TENM4: variants seen among roughly 807,000 people sequenced by gnomAD.
The protein encoded by TENM4 is teneurin transmembrane protein 4.
A neutral mutation model predicts 243.3 loss-of-function variants in TENM4; 82 were observed. That is an observed-to-expected ratio of 0.34 (90% CI 0.28 to 0.40). TENM4 has a LOEUF of 0.40. Ranked by LOEUF, TENM4 falls within the 10% of genes least tolerant of loss-of-function variation. The pLI, the probability that TENM4 is intolerant of heterozygous loss-of-function variation, is 1.00. For synonymous variants in TENM4, 1,412 were observed against 1,456.3 expected, an observed-to-expected ratio of 0.97 and a Z score of 0.69; for missense variants, 3,138 against 3,673.3, an observed-to-expected ratio of 0.85 and a Z score of 3.77.
chr11:78,722,964 A>G, intron 23 of TENM4, 47 bp from the exon 24 acceptor site: 4 of 1,599,678 alleles, frequency 2.5e-6, no homozygotes, highest in Middle Eastern at 1.7e-4. Flanking sequence ...GGAAATGGGT[A>G]TCTTTTCCTG....
At position 79,069,968 on chromosome 11, in the gene TENM4, C is replaced by T; in HGVS notation, c.-24G>A. ...ATGGCCTCCGGCCCGCGCTCCTCCA[C>T]ATCCACAAACAGGGTCCTCGCCGCA... On this transcript the variant is annotated 5_prime_UTR_variant, in exon 5 of 34. The change creates a new upstream start codon in the 5' untranslated region. Coordinates refer to ENST00000278550, the MANE Select transcript of TENM4 (RefSeq NM_001098816.3). 6.5e-7 allele frequency: 1 copy of T among 1,541,192 alleles called. No homozygotes were observed. Among genetic ancestry groups the T allele is most frequent in the Non-Finnish European group, 8.7e-7 (1 of 1,144,974 alleles).
intron 19 of TENM4, among the ~76,000 whole-genome samples, chr11:78,744,144 C>T (rs2135920294): frequency 6.6e-6 from 1 of 152,354 alleles, no homozygotes; most frequent in Non-Finnish European, 1.5e-5. Context: ...TGAGAAGCCT[C>T]ACTTCAGAGC....
Position 78,890,033 on chromosome 11 carries a change from A to G in TENM4, c.849-13T>C, listed in dbSNP as rs1055427584. ...GAAGAGGAAGTGCCTGCAGATGGAG[A>G]GCAGCAAGAGGGTGTCAGGGGCTGC... On this transcript the variant is annotated splice_polypyrimidine_tract_variant and intron_variant, in intron 8 of 33. Coordinates refer to ENST00000278550, the MANE Select transcript of TENM4 (RefSeq NM_001098816.3). 9 of 1,523,416 alleles carry G rather than the reference A, an allele frequency of 5.9e-6. No homozygotes were observed. The African/African-American group carries it at 1.2e-4, about 21-fold the overall frequency. 94.4% of individuals were successfully genotyped at this position (1,523,416 alleles called of 1,614,324 possible). A position where few individuals can be genotyped will look rare whatever the true frequency, so the allele number is the denominator to read the frequency against.
At chr11:78,880,092 C>T (rs935454726) in intron 9 of TENM4, among the ~76,000 whole-genome samples, 1 of 152,160 alleles carries the variant, frequency 6.6e-6, no homozygotes, top group African/African-American at 2.4e-5. Context: ...TAGGAGACTC[C>T]ATTTTGTTCT....
At chr11:78,831,608 A>G (rs777840979) in intron 12 of TENM4, among the ~76,000 whole-genome samples, 22 of 152,234 alleles carry the variant, frequency 1.4e-4, no homozygotes, top group Non-Finnish European at 1.9e-4. Context: ...CATTACCTTC[A>G]AAGGCAGATG....
chr11:78,676,838 CTG>C (rs1162019975), intron 29 of TENM4, among the ~76,000 whole-genome samples: 1 of 152,098 alleles, frequency 6.6e-6, no homozygotes, highest in African/African-American at 2.4e-5. Flanking sequence ...ATAAGTACCA[CTG>C]TATATATTTA....
chr11:78,888,130 T>C (rs537896412), intron 9 of TENM4, among the ~76,000 whole-genome samples: 17 of 152,298 alleles, frequency 1.1e-4, no homozygotes, highest in Admixed American at 5.2e-4. Flanking sequence ...GGCCTTGACC[T>C]CTCCCAGTCT....
At chr11:79,136,966 G>A (rs1300257443) in intron 4 of TENM4, among the ~76,000 whole-genome samples, 1 of 152,126 alleles carries the variant, frequency 6.6e-6, no homozygotes, top group Admixed American at 6.5e-5. Flanking sequence ...AGAAGGCCGT[G>A]TATGCTCTGA....
intron 6 of TENM4, among the ~76,000 whole-genome samples, chr11:79,053,766 C>T (rs779494630): frequency 1.3e-5 from 2 of 152,306 alleles, no homozygotes; most frequent in South Asian, 2.1e-4. Flanking sequence ...TGGGTAATTG[C>T]TGCCTCCTGG....
At chr11:79,119,060 T>C (rs1253378534) in intron 4 of TENM4, among the ~76,000 whole-genome samples, 2 of 152,094 alleles carry the variant, frequency 1.3e-5, no homozygotes, top group Non-Finnish European at 2.9e-5. Flanking sequence ...GGCTAAGCAA[T>C]AGGTATGAGA....
intron 1 of TENM4, among the ~76,000 whole-genome samples, chr11:79,382,762 C>G (rs1858030809): frequency 1.3e-5 from 2 of 152,192 alleles, no homozygotes; most frequent in East Asian, 1.9e-4. Flanking sequence ...AGGCTCAGAG[C>G]TGGCTTCAAG....
At chr11:79,382,382 G>C (rs759634891) in intron 1 of TENM4, among the ~76,000 whole-genome samples, 9 of 152,130 alleles carry the variant, frequency 5.9e-5, no homozygotes, top group Admixed American at 6.6e-5. Context: ...CCTTGTGCAG[G>C]CTTCGCTTTC....
chr11:79,116,880 TG>T (rs1861632930), intron 4 of TENM4, among the ~76,000 whole-genome samples: 1 of 152,000 alleles, frequency 6.6e-6, no homozygotes, highest in African/African-American at 2.4e-5. Context: ...TAAAGAGAAA[TG>T]GGGGGAAAGG....
At chr11:78,800,986 A>C (rs889018121) in intron 15 of TENM4, among the ~76,000 whole-genome samples, 2 of 152,184 alleles carry the variant, frequency 1.3e-5, no homozygotes, top group Non-Finnish European at 2.9e-5. Flanking sequence ...ACCTTAGCTA[A>C]GATAAGGTTG....
intron 2 of TENM4, among the ~76,000 whole-genome samples, 193 bp from the exon 3 acceptor site, chr11:79,216,102 C>G (rs781690834): frequency 3.3e-5 from 5 of 152,218 alleles, no homozygotes; most frequent in Non-Finnish European, 7.3e-5. Context: ...GATGGTTCCT[C>G]TATGCAGCCT....
intron 1 of TENM4, among the ~76,000 whole-genome samples, chr11:79,392,002 T>C (rs1025761788): frequency 2.0e-5 from 3 of 152,192 alleles, no homozygotes; most frequent in Non-Finnish European, 2.9e-5. Flanking sequence ...AGAAATAAAA[T>C]TGGCTTTCCT....
rs539130227 is a variant in TENM4, at chr11:79,425,715, C to T, written c.-321+14794G>A. Among the ~76,000 whole-genome samples the T allele has an allele frequency of 4.9e-4, 74 of 152,342 alleles. 2 individuals are homozygous for T. The highest frequency in any genetic ancestry group is 3.1e-3 in the Admixed American group (48 of 15,296). ...TATCTGAGGTGGCAGGACCTGCTCA[C>T]GTGGCCTTGGCTCCCATCCCTCTGG... is the stretch of plus-strand genomic sequence containing the variant. On this transcript the variant is annotated intron_variant, in intron 1 of 33. Transcript: ENST00000278550.
At chr11:79,136,980 A>G (rs1410962398) in intron 4 of TENM4, among the ~76,000 whole-genome samples, 3 of 152,174 alleles carry the variant, frequency 2.0e-5, no homozygotes, top group South Asian at 2.1e-4. Flanking sequence ...GCTCTGAATC[A>G]GCATCCAATC....
At chr11:78,922,004 T>C (rs975801753) in intron 6 of TENM4, among the ~76,000 whole-genome samples, 2 of 152,218 alleles carry the variant, frequency 1.3e-5, no homozygotes, top group Non-Finnish European at 2.9e-5. Flanking sequence ...CCTAACCAGA[T>C]GCAGTGTGGG....
Sources: allele counts gnomAD v4.1 joint callset (sites outside exome capture counted in the v4.1 genomes callset), GRCh38; gene constraint gnomAD v4.1.1; transcripts MANE v1.5; gene names NCBI Gene and HGNC (gene_info 2026-07-23, HGNC 2026-07-21).